Variants in UNC5D observed in about 807,000 individuals in gnomAD.
UNC5D encodes unc-5 netrin receptor D.
In UNC5D, 39 loss-of-function variants were observed where a neutral mutation model predicts 105.4. The observed-to-expected ratio is 0.37, with a 90% CI of 0.29 to 0.48. The LOEUF (loss-of-function observed/expected upper bound fraction) is 0.48, where lower values mean the gene tolerates loss of function less well. Ranked by LOEUF, UNC5D falls within the 20% of genes least tolerant of loss-of-function variation. The probability of loss-of-function intolerance (pLI) is 0.98; values close to 1 mark genes in which losing one functional copy is unlikely to be tolerated. For synonymous variants in UNC5D, 452 were observed against 450.4 expected (o/e 1.00, Z -0.04); for missense variants, 991 against 1,202.4 (o/e 0.82, Z 2.60).
intron 6 of UNC5D, among the ~76,000 whole-genome samples, chr8:35,685,290 C>T (rs989628537): frequency 1.3e-5 from 2 of 152,268 alleles, no homozygotes; most frequent in African/African-American, 4.8e-5. Flanking sequence ...GCCTTTCTTT[C>T]TGTAAAAAGA....
At chr8:35,543,177 A>T (rs955984159) in intron 1 of UNC5D, among the ~76,000 whole-genome samples, 1 of 152,198 alleles carries the variant, frequency 6.6e-6, no homozygotes, top group African/African-American at 2.4e-5. Flanking sequence ...CCCTGTTTAC[A>T]CTTTGAAACA....
chr8:35,319,063 A>T (rs1809515558), intron 1 of UNC5D, among the ~76,000 whole-genome samples: 3 of 152,122 alleles, frequency 2.0e-5, no homozygotes. Flanking sequence ...ATTCCTGCGC[A>T]GTAACATTCA....
At chr8:35,752,685 A>T (rs1478297195) in intron 13 of UNC5D, among the ~76,000 whole-genome samples, 2 of 152,242 alleles carry the variant, frequency 1.3e-5, no homozygotes, top group Non-Finnish European at 2.9e-5. Context: ...GAGAAAATAT[A>T]TAACAGATAT....
chr8:35,719,942 G>A (rs1794406095), intron 8 of UNC5D, among the ~76,000 whole-genome samples: 1 of 152,000 alleles, frequency 6.6e-6, no homozygotes. Context: ...ATTCCTTTAA[G>A]TCAAATGGAT....
At chr8:35,353,461 A>C (rs1393594060) in intron 1 of UNC5D, among the ~76,000 whole-genome samples, 1 of 152,192 alleles carries the variant, frequency 6.6e-6, no homozygotes, top group Non-Finnish European at 1.5e-5. Context: ...ACTTTATAGA[A>C]TCTCCACGTA....
At chr8:35,324,090 C>T (rs755535548) in intron 1 of UNC5D, among the ~76,000 whole-genome samples, 4 of 151,638 alleles carry the variant, frequency 2.6e-5, no homozygotes, top group Non-Finnish European at 5.9e-5. Context: ...ATTAGCCAGG[C>T]GTGGTGGCAT....
At chr8:35,319,540 C>A (rs1809565202) in intron 1 of UNC5D, among the ~76,000 whole-genome samples, 1 of 152,128 alleles carries the variant, frequency 6.6e-6, no homozygotes, top group Admixed American at 6.6e-5. Context: ...TCAGTTAGAA[C>A]TTCTCCATCA....
intron 1 of UNC5D, among the ~76,000 whole-genome samples, chr8:35,440,111 G>A (rs1807301446): frequency 6.6e-6 from 1 of 151,988 alleles, no homozygotes; most frequent in Admixed American, 6.6e-5. Context: ...TCACGCTGGT[G>A]ACCTGTATTG....
rs1417998220 is a variant in UNC5D at position 35,248,380 on chromosome 8, AAT to A, written c.103+12498_103+12499del. ...ATATAAGAAATAGATATAATATATA[AAT>A]ATATGTTATATATGAAATAGATATA... On this transcript the variant is annotated intron_variant, in intron 1 of 16. Transcript: ENST00000404895. 1.9e-5 allele frequency among the ~76,000 whole-genome samples: 2 copies of A among 106,480 alleles called. 1 individual carries two copies. The highest frequency in any genetic ancestry group is 7.9e-5 in the African/African-American group (2 of 25,266). The allele number at this position is 106,480 out of a possible 152,430, so 69.9% of individuals were successfully genotyped here.
At chr8:35,721,295 C>A (rs1239229772) in intron 8 of UNC5D, among the ~76,000 whole-genome samples, 2 of 151,934 alleles carry the variant, frequency 1.3e-5, no homozygotes, top group African/African-American at 4.8e-5. Context: ...TGCTGTATTG[C>A]AGGAGCCATC....
rs955756172 is a variant in UNC5D at position 35,747,415 on chromosome 8, T to C, written c.1767-1112T>C. 5.3e-5 allele frequency among the ~76,000 whole-genome samples: 8 copies of C among 152,198 alleles called. No homozygotes were observed. The East Asian group carries it at 1.5e-3, about 29-fold the overall frequency. ...TGGTATCTTTTAGCACTAAATTTTA[T>C]CTTTATTTTGCCCAACGGGTTGCTT... On this transcript the variant is annotated intron_variant, in intron 11 of 16. Coordinates refer to ENST00000404895, the MANE Select transcript of UNC5D (RefSeq NM_080872.4).
At chr8:35,518,953 TAAC>T (rs1184869599) in intron 1 of UNC5D, among the ~76,000 whole-genome samples, 7 of 152,172 alleles carry the variant, frequency 4.6e-5, no homozygotes, top group African/African-American at 4.8e-5. Context: ...GGGGAATTTT[TAAC>T]AACATTTGAC....
intron 1 of UNC5D, among the ~76,000 whole-genome samples, chr8:35,333,735 C>G (rs372736242): frequency 2.0e-5 from 3 of 152,188 alleles, no homozygotes; most frequent in African/African-American, 7.2e-5. Context: ...TAGCCTCTGC[C>G]TCCCAAAGTG....
intron 4 of UNC5D, among the ~76,000 whole-genome samples, chr8:35,619,799 C>T (rs978141275): frequency 1.3e-5 from 2 of 152,234 alleles, no homozygotes; most frequent in Non-Finnish European, 2.9e-5. Context: ...GCTGTGACCA[C>T]AGTCCCCGGA....
At chr8:35,241,383 T>C (rs1242209383) in intron 1 of UNC5D, among the ~76,000 whole-genome samples, 3 of 152,220 alleles carry the variant, frequency 2.0e-5, no homozygotes, top group African/African-American at 4.8e-5. Context: ...GAATTTTCTC[T>C]TGAAAGGAGT....
intron 1 of UNC5D, among the ~76,000 whole-genome samples, chr8:35,365,573 C>T (rs1314904702): frequency 1.9e-5 from 2 of 104,460 alleles, no homozygotes; most frequent in Non-Finnish European, 3.6e-5. Context: ...TCTTCTTAGG[C>T]TTTCATGCCA....
chr8:35,780,258 T>C lies in UNC5D; in HGVS notation c.2657+5781T>C, dbSNP rs182005258. On this transcript the variant is annotated intron_variant, in intron 16 of 16. Coordinates refer to ENST00000404895, the MANE Select transcript of UNC5D (RefSeq NM_080872.4). ...CACTTCAGATTTGAGAGTTAATGGG[T>C]TATGGTGTAAAAACCGTATACGTGA... Among the ~76,000 whole-genome samples, 530 of 152,320 alleles carry C rather than the reference T, an allele frequency of 3.5e-3. 6 individuals carry two copies. The highest frequency in any genetic ancestry group is 0.012 in the African/African-American group (479 of 41,560).
rs537400050 is a variant in UNC5D at position 35,477,250 on chromosome 8, G to A, written c.104-72042G>A. On this transcript the variant is annotated intron_variant, in intron 1 of 16. Transcript: ENST00000404895. ...AATGTAGCCCTTTTCTCTTTGATTA[G>A]TTTAAGAATTTCCTTTTCATTTCTC... is the stretch of plus-strand genomic sequence containing the variant. 3.9e-5 allele frequency among the ~76,000 whole-genome samples: 6 copies of A among 152,118 alleles called. No homozygotes were observed. In the South Asian group the frequency reaches 6.2e-4, roughly 16 times the overall value.
chr8:35,464,872 C>A (rs1180915087), intron 1 of UNC5D, among the ~76,000 whole-genome samples: 3 of 152,168 alleles, frequency 2.0e-5, no homozygotes, highest in Non-Finnish European at 4.4e-5. Context: ...TCCTCTTCTT[C>A]CCCCTCCAGA....
Sources: allele counts gnomAD v4.1 joint callset (sites outside exome capture counted in the v4.1 genomes callset), GRCh38; gene constraint gnomAD v4.1.1; transcripts MANE v1.5; gene names NCBI Gene and HGNC (gene_info 2026-07-23, HGNC 2026-07-21).